Variants in MYOM1 observed in about 807,000 individuals in gnomAD.
The protein encoded by MYOM1 is myomesin 1.
MYOM1 carries 164 observed loss-of-function variants against 205.3 expected under a neutral mutation model. That is an observed-to-expected ratio of 0.80 (90% CI 0.70 to 0.91). MYOM1 has a LOEUF of 0.91. MYOM1 is among the 40% of genes least tolerant of loss of function. MYOM1 has a pLI of 0.00. For synonymous variants in MYOM1, 772 were observed against 789.4 expected (o/e 0.98, Z 0.37); for missense variants, 2,011 against 2,127.3 (o/e 0.95, Z 1.08).
At chr18:3,191,986 G>T (rs536768605) in intron 3 of MYOM1, among the ~76,000 whole-genome samples, 17 of 152,134 alleles carry the variant, frequency 1.1e-4, no homozygotes, top group Non-Finnish European at 7.4e-5. Flanking sequence ...ATGAGCCACC[G>T]TGCCTGGCCT....
chr18:3,174,287 T>C, intron 6 of MYOM1, 79 bp from the exon 7 acceptor site: 8 of 1,243,244 alleles, frequency 6.4e-6, no homozygotes, highest in Non-Finnish European at 9.3e-6. Context: ...AGGAACTCTT[T>C]GCTATCACAG....
At chr18:3,217,556 A>G (rs947477762) in intron 1 of MYOM1, among the ~76,000 whole-genome samples, 1 of 152,190 alleles carries the variant, frequency 6.6e-6, no homozygotes. Context: ...AGTGCAGGAG[A>G]GAGGTCCAGG....
chr18:3,186,118 C>T (rs1201425331), intron 5 of MYOM1, among the ~76,000 whole-genome samples: 1 of 152,048 alleles, frequency 6.6e-6, no homozygotes, highest in Admixed American at 6.5e-5. Flanking sequence ...ATTGCTTGAA[C>T]CCAGGAGGCA....
chr18:3,095,954 C>T (rs2079297465), intron 25 of MYOM1, among the ~76,000 whole-genome samples: 1 of 152,162 alleles, frequency 6.6e-6, no homozygotes, highest in South Asian at 2.1e-4. Context: ...AGACCTCATT[C>T]TAGGAAACTT....
chr18:3,219,401 T>C lies in MYOM1; in HGVS notation c.-29+402A>G, dbSNP rs2081306532. Reference sequence around the variant, plus strand: ...AGAGTTAATTTTCCTTCTTTCGGTCTAATTTGTAACCAGGGAGCATTGTAT... The same window carrying C: ...AGAGTTAATTTTCCTTCTTTCGGTCCAATTTGTAACCAGGGAGCATTGTAT... On this transcript the variant is annotated intron_variant, in intron 1 of 37. Transcript: ENST00000356443. The surrounding 1 kb of genome is among the most constrained non-coding windows in gnomAD (Gnocchi z 4.4). Among the ~76,000 whole-genome samples, 1 of 152,224 alleles carries C rather than the reference T, an allele frequency of 6.6e-6. No homozygotes were observed. Among genetic ancestry groups the C allele is most frequent in the African/African-American group, 2.4e-5 (1 of 41,464 alleles).
At chr18:3,153,591 A>C (rs975736853) in intron 11 of MYOM1, among the ~76,000 whole-genome samples, 2 of 152,234 alleles carry the variant, frequency 1.3e-5, no homozygotes, top group Non-Finnish European at 2.9e-5. Context: ...CACAAAAAAG[A>C]ATATATCTAA....
chr18:3,122,990 T>TA (rs1253673478), intron 19 of MYOM1, among the ~76,000 whole-genome samples: 2 of 151,020 alleles, frequency 1.3e-5, no homozygotes, highest in African/African-American at 4.9e-5. Flanking sequence ...ATCACCACTT[T>TA]AAAAAAAAAG....
chr18:3,122,173 G>C (rs1311888135), intron 19 of MYOM1, among the ~76,000 whole-genome samples: 3 of 137,424 alleles, frequency 2.2e-5, no homozygotes, highest in Non-Finnish European at 1.6e-5. Context: ...TACAAAATAA[G>C]ATATTAGTTT....
At chr18:3,201,366 A>T (rs1450335081) in intron 2 of MYOM1, among the ~76,000 whole-genome samples, 1 of 151,500 alleles carries the variant, frequency 6.6e-6, no homozygotes, top group Non-Finnish European at 1.5e-5. Flanking sequence ...GCCACACTGC[A>T]CTCCAGCCCT....
At chr18:3,138,937 C>T (rs983572487) in intron 14 of MYOM1, among the ~76,000 whole-genome samples, 17 of 152,240 alleles carry the variant, frequency 1.1e-4, no homozygotes, top group African/African-American at 3.9e-4. Flanking sequence ...GCTCTGTGAC[C>T]TCGGGCAAAT....
chr18:3,229,581 G>A, the MYOM1 span, among the ~76,000 whole-genome samples: 1 of 152,200 alleles, frequency 6.6e-6, no homozygotes, highest in Admixed American at 6.5e-5. Flanking sequence ...TTAGGCTAAT[G>A]TATAATGTCA....
intron 2 of MYOM1, among the ~76,000 whole-genome samples, chr18:3,205,928 C>T (rs2081118711): frequency 6.6e-6 from 1 of 151,980 alleles, no homozygotes; most frequent in Non-Finnish European, 1.5e-5. Context: ...GAGTAGGATA[C>T]AAGGATAAAT....
chr18:3,106,929 T>C (rs1027170516), intron 22 of MYOM1, among the ~76,000 whole-genome samples: 3 of 152,178 alleles, frequency 2.0e-5, no homozygotes, highest in African/African-American at 7.2e-5. Flanking sequence ...CTGTGAAGCT[T>C]TTCTTGATTA....
chr18:3,194,413 T>C (rs1253458017), intron 2 of MYOM1, among the ~76,000 whole-genome samples: 1 of 152,242 alleles, frequency 6.6e-6, no homozygotes, highest in Non-Finnish European at 1.5e-5. Context: ...GAGACCTTTA[T>C]GTATTATAGG....
At chr18:3,116,597 C>A in intron 20 of MYOM1, 82 bp from the exon 21 acceptor site, 1 of 1,253,172 alleles carries the variant, frequency 8.0e-7, no homozygotes, top group East Asian at 2.5e-5. Context: ...TGTAAGTCTT[C>A]AAGCTAATCT....
chr18:3,067,516 G>A lies in MYOM1; in HGVS notation c.4804C>T (p.Pro1602Ser). ...LTCNVWGDPP[P>S]EVSWLKNEKA... ...TCGTTCTTCAACCACGACACCTCCG[G>A]AGGCGGGTCTCCCCACACGTTGCAA... is the stretch of plus-strand genomic sequence containing the variant. The change falls in exon 38 of 38, where the codon CCG (proline) becomes TCG (serine). Residue 1602 changes from proline (P) to serine (S), a missense_variant. By Grantham distance (74) the Pro-to-Ser change is moderately conservative (BLOSUM62 -1). Transcript: ENST00000356443. The A allele has an allele frequency of 6.2e-7, 1 of 1,613,818 alleles. No homozygotes were observed. The highest frequency in any genetic ancestry group is 1.1e-5 in the South Asian group (1 of 91,080).
chr18:3,140,549 A>G (rs1381798268), intron 14 of MYOM1, among the ~76,000 whole-genome samples: 1 of 152,266 alleles, frequency 6.6e-6, no homozygotes, highest in East Asian at 1.9e-4. Flanking sequence ...GAGATAAGGC[A>G]TTCATTGTTA....
chr18:3,246,095 A>T, the MYOM1 span: 1 of 152,362 alleles, frequency 6.6e-6, no homozygotes, highest in African/African-American at 2.4e-5. Flanking sequence ...GAGAAGCAAA[A>T]GAATGCTGCC....
At chr18:3,127,305 A>ATATATATATATATATT (rs56880961) in intron 18 of MYOM1, among the ~76,000 whole-genome samples, 23 of 47,564 alleles carry the variant, frequency 4.8e-4, no homozygotes, top group Non-Finnish European at 7.6e-4. Context: ...ATATATATAT[A>ATATATATATATATATT]TTTTTTTTTT....
Sources: allele counts gnomAD v4.1 joint callset (sites outside exome capture counted in the v4.1 genomes callset), GRCh38; gene constraint gnomAD v4.1.1; non-coding constraint Gnocchi (gnomAD v3.1); transcripts MANE v1.5; gene names NCBI Gene and HGNC (gene_info 2026-07-23, HGNC 2026-07-21).